The following LIF variants were observed in gnomAD, a reference collection of about 807,000 sequenced individuals.
LIF encodes LIF interleukin 6 family cytokine.
In LIF, 9 loss-of-function variants were observed where a neutral mutation model predicts 15.0. The ratio of observed to expected loss-of-function variants is 0.60; its 90% CI spans 0.36 to 1.04. The LOEUF (loss-of-function observed/expected upper bound fraction) is 1.04, where lower values mean the gene tolerates loss of function less well. Ranked by LOEUF, LIF falls within the 50% of genes least tolerant of loss-of-function variation. The probability of loss-of-function intolerance (pLI) is 0.01; values close to 1 mark genes in which losing one functional copy is unlikely to be tolerated. For synonymous variants in LIF, 122 were observed against 119.7 expected (o/e 1.02, Z -0.13); for missense variants, 240 against 266.7 (o/e 0.90, Z 0.70).
At chr22:30,245,039 C>G in intron 1 of LIF, 106 bp from the exon 2 acceptor site, 1 of 1,025,070 alleles carries the variant, frequency 9.8e-7, no homozygotes, top group Non-Finnish European at 1.5e-6. Flanking sequence ...GGAGAGGACT[C>G]CTGGTTCCCC....
chr22:30,244,266 G>A (rs1192041376), intron 2 of LIF, among the ~76,000 whole-genome samples: 2 of 152,132 alleles, frequency 1.3e-5, no homozygotes, highest in African/African-American at 4.8e-5. Flanking sequence ...ACTGAGCCAT[G>A]CACGCAGTCA....
Position 30,241,980 on chromosome 22 carries a change from C to T in LIF, c.*1671G>A, listed in dbSNP as rs1928687211. On this transcript the variant is annotated 3_prime_UTR_variant, in exon 3 of 3. Transcript: ENST00000249075. The surrounding 1 kb of genome is among the most constrained non-coding windows in gnomAD (Gnocchi z 4.4). ...CCACCTTCCTGGGGTCTGGCCCAGC[C>T]AGGCCCCCCGCACCGTCTATGGGTG... 1.3e-5 allele frequency: 2 copies of T among 152,844 alleles called. No homozygotes were observed. The highest frequency in any genetic ancestry group is 2.9e-5 in the Non-Finnish European group (2 of 68,144). The allele number at this position is 152,844 out of a possible 1,614,324, so 9.5% of individuals were successfully genotyped here.
rs1002436399 is a variant in LIF at position 30,244,791 on chromosome 22, C to A, written c.162G>T (p.Gln54His). The A allele has an allele frequency of 6.2e-7, 1 of 1,614,226 alleles. No homozygotes were observed. Among genetic ancestry groups the A allele is most frequent in the Non-Finnish European group, 8.5e-7 (1 of 1,180,022 alleles). ...AGAGGGCATTGGCACTGCCATTGAGCTGTGCCAGTTGGCTCCTGATCTGGT... is the reference window on the plus strand; with the variant it reads ...AGAGGGCATTGGCACTGCCATTGAGATGTGCCAGTTGGCTCCTGATCTGGT... ...LMNQIRSQLA[Q>H]LNGSANALFI... Residue 54 changes from glutamine to histidine, a missense_variant, in exon 2 of 3, where the codon CAG (glutamine) becomes CAT (histidine). Coordinates refer to ENST00000249075, the MANE Select transcript of LIF (RefSeq NM_002309.5).
chr22:30,243,899 G>C lies in LIF; in HGVS notation c.361C>G (p.Arg121Gly). The C allele has an allele frequency of 6.2e-7, 1 of 1,614,214 alleles. No homozygotes were observed. Among genetic ancestry groups the C allele is most frequent in the Non-Finnish European group, 8.5e-7 (1 of 1,180,032 alleles). ...YLGTSLGNIT[R>G]DQKILNPSAL... The stretch of plus-strand genomic sequence containing the variant: ...CTGGGGTTGAGGATCTTCTGGTCCC[G>C]GGTGATGTTGCCCAGGGAGGTGCCA... Residue 121 changes from arginine (R) to glycine (G), a missense_variant, in exon 3 of 3, where the codon CGG becomes GGG. Physicochemically the swap from Arg to Gly is moderately radical, Grantham distance 125 (BLOSUM62 -2). Coordinates refer to ENST00000249075, the MANE Select transcript of LIF (RefSeq NM_002309.5). This position sits in a 1 kb window ranked among gnomAD's most constrained non-coding sequence, Gnocchi z 6.0.
Position 30,240,491 on chromosome 22 carries a change from A to T in LIF, c.*3160T>A, listed in dbSNP as rs1373432099. 1 of 148,236 alleles carries T rather than the reference A, an allele frequency of 6.7e-6. No homozygotes were observed. Among genetic ancestry groups the T allele is most frequent in the African/African-American group, 2.5e-5 (1 of 39,778 alleles). 9.2% of individuals were successfully genotyped at this position (148,236 alleles called of 1,614,324 possible). The stretch of plus-strand genomic sequence containing the variant: ...TTTATTCATTTCTCTTTTTTTTCTT[A>T]AAAAAAAAAGTATTCATTTGGTATA... On this transcript the variant is annotated 3_prime_UTR_variant, in exon 3 of 3. Coordinates refer to ENST00000249075, the MANE Select transcript of LIF (RefSeq NM_002309.5).
rs1045239617 is a variant in LIF at position 30,243,795 on chromosome 22, C to T, written c.465G>A (p.Leu155=). The T allele has an allele frequency of 3.1e-6, 5 of 1,614,238 alleles. No individual in the cohort carries two copies. The highest frequency in any genetic ancestry group is 1.7e-5 in the Admixed American group (1 of 60,034). The change falls in exon 3 of 3, where the codon CTG becomes CTA. Residue 155 remains leucine, a synonymous_variant. Transcript: ENST00000249075. The surrounding 1 kb of genome is among the most constrained non-coding windows in gnomAD (Gnocchi z 6.0). Reference sequence around the variant, plus strand: ...CATGGCCCACGTGGTACTTGCTGCACAGGCGGCACAGCACGTTGCTAAGGA... The same window carrying T: ...CATGGCCCACGTGGTACTTGCTGCATAGGCGGCACAGCACGTTGCTAAGGA... ...RGLLSNVLCR[L]CSKYHVGHVD...
At chr22:30,244,157 C>G in intron 2 of LIF, 96 bp from the exon 3 acceptor site, 2 of 1,244,578 alleles carry the variant, frequency 1.6e-6, no homozygotes, top group Non-Finnish European at 2.2e-6. Context: ...GTTTCCCCAT[C>G]TAGCGCATGA....
intron 1 of LIF, chr22:30,246,410 G>A (rs1928894797): frequency 1.8e-6 from 2 of 1,090,528 alleles, no homozygotes; most frequent in Admixed American, 4.7e-5. Context: ...GGAGGAGGAG[G>A]AGAAGGAGAG....
At position 30,240,741 on chromosome 22, in the gene LIF, A is replaced by G. The variant is rs1342842337; in HGVS notation, c.*2910T>C. 6.6e-6 allele frequency: 1 copy of G among 152,348 alleles called. No individual in the cohort carries two copies. The highest frequency in any genetic ancestry group is 1.5e-5 in the Non-Finnish European group (1 of 68,006). The allele number at this position is 152,348 out of a possible 1,614,324, so 9.4% of individuals were successfully genotyped here. A position where few individuals can be genotyped will look rare whatever the true frequency, so the allele number is the denominator to read the frequency against. On this transcript the variant is annotated 3_prime_UTR_variant, in exon 3 of 3. Transcript: ENST00000249075. ...CCGGGATTGAGGTGGGGAACTAGAG[A>G]TGACTCTAAGGCAGGAACATCTGTA...
chr22:30,245,730 G>T (rs994493040), intron 1 of LIF, among the ~76,000 whole-genome samples: 1 of 152,136 alleles, frequency 6.6e-6, no homozygotes, highest in Non-Finnish European at 1.5e-5. Context: ...TGTCCCAGGG[G>T]TTCCCCTCCC....
Position 30,243,912 on chromosome 22 carries a change from C to T in LIF, c.348G>A (p.Leu116=). The change falls in exon 3 of 3, where the codon CTG becomes CTA. Residue 116 remains leucine, a synonymous_variant. Coordinates refer to ENST00000249075, the MANE Select transcript of LIF (RefSeq NM_002309.5). The surrounding 1 kb of genome is among the most constrained non-coding windows in gnomAD (Gnocchi z 6.0). ...TCTTCTGGTCCCGGGTGATGTTGCC[C>T]AGGGAGGTGCCAAGGTACACGACTA... is the stretch of plus-strand genomic sequence containing the variant. The part of the protein sequence containing the change: ...YRIVVYLGTS[L]GNITRDQKIL... The T allele has an allele frequency of 6.2e-7, 1 of 1,614,202 alleles. No individual in the cohort carries two copies. The highest frequency in any genetic ancestry group is 1.1e-5 in the South Asian group (1 of 91,086).
Position 30,243,588 on chromosome 22 carries a change from G to A in LIF, c.*63C>T. ...CTGGGCCCCAGCCACCCTTGGACAG[G>A]CCCCCACATCTGGACCCAACTCCTG... is the stretch of plus-strand genomic sequence containing the variant. On this transcript the variant is annotated 3_prime_UTR_variant, in exon 3 of 3. Transcript: ENST00000249075. The surrounding 1 kb of genome is among the most constrained non-coding windows in gnomAD (Gnocchi z 6.0). The A allele has an allele frequency of 6.2e-7, 1 of 1,606,096 alleles. No individual in the cohort carries two copies. The highest frequency in any genetic ancestry group is 8.5e-7 in the Non-Finnish European group (1 of 1,174,732).
chr22:30,246,550 G>A, intron 1 of LIF, 127 bp downstream of exon 1: 1 of 1,353,350 alleles, frequency 7.4e-7, no homozygotes, highest in South Asian at 1.8e-5. Context: ...TCCGGTGGCT[G>A]CGCGGGCGCC....
rs1928636724 is a variant in LIF at position 30,240,792 on chromosome 22, C to T, written c.*2859G>A. On this transcript the variant is annotated 3_prime_UTR_variant, in exon 3 of 3. Coordinates refer to ENST00000249075, the MANE Select transcript of LIF (RefSeq NM_002309.5). ...CCATCTGCAGGGAAATGCTACCTCC[C>T]CGGGTGCCAGAGCTCCAACCCCACA... is the stretch of plus-strand genomic sequence containing the variant. The T allele has an allele frequency of 2.0e-5, 3 of 152,376 alleles. No homozygotes were observed. The highest frequency in any genetic ancestry group is 4.4e-5 in the Non-Finnish European group (3 of 68,122). 9.4% of individuals were successfully genotyped at this position (152,376 alleles called of 1,614,324 possible). A position where few individuals can be genotyped will look rare whatever the true frequency, so the allele number is the denominator to read the frequency against.
chr22:30,243,469 T>C lies in LIF; in HGVS notation c.*182A>G. On this transcript the variant is annotated 3_prime_UTR_variant, in exon 3 of 3. Coordinates refer to ENST00000249075, the MANE Select transcript of LIF (RefSeq NM_002309.5). The surrounding 1 kb of genome is among the most constrained non-coding windows in gnomAD (Gnocchi z 6.0). The stretch of plus-strand genomic sequence containing the variant: ...TCCCTCCCTATGGAAGTTTCCACTC[T>C]GCTCAGCTTCATCACAGCCCAGCCC... The C allele has an allele frequency of 1.5e-6, 1 of 688,118 alleles. No individual in the cohort carries two copies. The highest frequency in any genetic ancestry group is 2.5e-6 in the Non-Finnish European group (1 of 400,990). 42.6% of individuals were successfully genotyped at this position (688,118 alleles called of 1,614,324 possible). A position where few individuals can be genotyped will look rare whatever the true frequency, so the allele number is the denominator to read the frequency against.
chr22:30,242,595 C>T lies in LIF; in HGVS notation c.*1056G>A, dbSNP rs114855616. ...ATAGGATATCATAATAAATAGAAAT[C>T]ATGCCAGGTCAGACGCACAGCACGC... On this transcript the variant is annotated 3_prime_UTR_variant, in exon 3 of 3. Coordinates refer to ENST00000249075, the MANE Select transcript of LIF (RefSeq NM_002309.5). The T allele has an allele frequency of 0.026, 3,914 of 152,760 alleles. 99 individuals carry two copies. Among genetic ancestry groups the T allele is most frequent in the East Asian group, 0.09 (478 of 5,298 alleles). The allele number at this position is 152,760 out of a possible 1,614,324, so 9.5% of individuals were successfully genotyped here.
intron 2 of LIF, 41 bp from the exon 3 acceptor site, chr22:30,244,102 G>T: frequency 1.9e-6 from 3 of 1,569,356 alleles, no homozygotes; most frequent in Non-Finnish European, 2.6e-6. Flanking sequence ...TCAGGGGTCA[G>T]TGTCCCAGCC....
At position 30,243,733 on chromosome 22, in the gene LIF, T is replaced by A; in HGVS notation, c.527A>T (p.Asp176Val). The change falls in exon 3 of 3, where the codon GAT (aspartate) becomes GTT (valine). Residue 176 changes from aspartate (D) to valine (V), a missense_variant. By Grantham distance (152) the Asp-to-Val change is radical. Coordinates refer to ENST00000249075, the MANE Select transcript of LIF (RefSeq NM_002309.5). This position sits in a 1 kb window ranked among gnomAD's most constrained non-coding sequence, Gnocchi z 6.0. Reference sequence around the variant, plus strand: ...GCCCAGCTTCTTCTTCTGGAAGACATCCTTACCCGAGGTGTCAGGGCCGTA... The same window carrying A: ...GCCCAGCTTCTTCTTCTGGAAGACAACCTTACCCGAGGTGTCAGGGCCGTA... ...VTYGPDTSGK[D>V]VFQKKKLGCQ... 6.2e-7 allele frequency: 1 copy of A among 1,614,246 alleles called. No homozygotes were observed. Among genetic ancestry groups the A allele is most frequent in the Non-Finnish European group, 8.5e-7 (1 of 1,180,048 alleles).
rs2123831551 is a variant in LIF, at chr22:30,242,763, T to G, written c.*888A>C. On this transcript the variant is annotated 3_prime_UTR_variant, in exon 3 of 3. Coordinates refer to ENST00000249075, the MANE Select transcript of LIF (RefSeq NM_002309.5). ...CAGGGCCTCAGATGTGAGCTGCTAC[T>G]CTGAGCTACCCCAGCCCCTTCTTAC... 1 of 152,674 alleles carries G rather than the reference T, an allele frequency of 6.5e-6. No homozygotes were observed. The highest frequency in any genetic ancestry group is 2.4e-5 in the African/African-American group (1 of 41,454). The allele number at this position is 152,674 out of a possible 1,614,324, so 9.5% of individuals were successfully genotyped here.
Sources: gnomAD v4.1 joint callset for allele counts (sites outside exome capture counted in the v4.1 genomes callset) on GRCh38, gnomAD v4.1.1 for gene constraint, Gnocchi (gnomAD v3.1) non-coding constraint, MANE v1.5 for transcripts, NCBI Gene and HGNC (gene_info 2026-07-23, HGNC 2026-07-21) for gene names.